Variants in RGS6 observed in about 807,000 individuals in gnomAD.
RGS6 encodes the protein regulator of G protein signaling 6, also known as regulator of G-protein signaling 6.
A neutral mutation model predicts 78.5 loss-of-function variants in RGS6; 30 were observed. That is an observed-to-expected ratio of 0.38 (90% CI 0.29 to 0.52). The LOEUF (loss-of-function observed/expected upper bound fraction) is 0.52, where lower values mean the gene tolerates loss of function less well. RGS6 is among the 20% of genes least tolerant of loss of function. The pLI is 0.85. For missense variants in RGS6, 495 were observed against 609.7 expected, an observed-to-expected ratio of 0.81 and a Z score of 1.98; for synonymous variants, 206 against 206.0, an observed-to-expected ratio of 1.00 and a Z score of 0.00.
At chr14:72,381,753 T>TGG (rs2086185113) in intron 3 of RGS6, among the ~76,000 whole-genome samples, 1 of 152,060 alleles carries the variant, frequency 6.6e-6, no homozygotes, top group Admixed American at 6.6e-5. Context: ...ATAAATACTG[T>TGG]GGTAAGTGGG....
chr14:72,177,936 C>T (rs2097127997), intron 2 of RGS6, among the ~76,000 whole-genome samples: 1 of 152,194 alleles, frequency 6.6e-6, no homozygotes, highest in East Asian at 1.9e-4. Context: ...TAGCCATGTG[C>T]CATTGGTCCT....
At chr14:72,207,397 T>C (rs2042971314) in intron 2 of RGS6, among the ~76,000 whole-genome samples, 1 of 152,244 alleles carries the variant, frequency 6.6e-6, no homozygotes, top group Non-Finnish European at 1.5e-5. Flanking sequence ...GGTAAATTCC[T>C]AGTGCAATAT....
At chr14:72,108,062 C>T (rs892898153) in intron 2 of RGS6, among the ~76,000 whole-genome samples, 1 of 152,136 alleles carries the variant, frequency 6.6e-6, no homozygotes, top group Non-Finnish European at 1.5e-5. Flanking sequence ...ACCATTTTCA[C>T]GTCAATGACA....
At chr14:72,367,958 A>G (rs1178885976) in intron 3 of RGS6, among the ~76,000 whole-genome samples, 1 of 152,192 alleles carries the variant, frequency 6.6e-6, no homozygotes, top group East Asian at 1.9e-4. Context: ...TCTGAAGTTA[A>G]TTCTTTTCAC....
intron 2 of RGS6, among the ~76,000 whole-genome samples, chr14:72,187,767 GTCAA>G (rs1361345804): frequency 1.3e-5 from 2 of 152,064 alleles, no homozygotes; most frequent in African/African-American, 2.4e-5. Flanking sequence ...TCATAAAACA[GTCAA>G]TCTTCATTAT....
intron 3 of RGS6, among the ~76,000 whole-genome samples, chr14:72,373,675 G>A (rs116050758): frequency 1.5e-3 from 224 of 152,222 alleles, no homozygotes; most frequent in African/African-American, 5.2e-3. Context: ...GGAAATAATC[G>A]TTTTGTCTTT....
the RGS6 span, among the ~76,000 whole-genome samples, chr14:72,601,529 A>G: frequency 2.6e-5 from 4 of 152,210 alleles, no homozygotes; most frequent in Admixed American, 1.3e-4. Context: ...ATTGCACAGG[A>G]GGGTGACTAT....
At chr14:72,085,165 G>T (rs764480018) in intron 2 of RGS6, among the ~76,000 whole-genome samples, 1 of 152,168 alleles carries the variant, frequency 6.6e-6, no homozygotes, top group Non-Finnish European at 1.5e-5. Flanking sequence ...CAACAGTAAG[G>T]CGTGAGGGTA....
chr14:72,081,268 T>A (rs1391451343), intron 2 of RGS6, among the ~76,000 whole-genome samples: 3 of 152,122 alleles, frequency 2.0e-5, no homozygotes, highest in South Asian at 4.1e-4. Flanking sequence ...TTATTTATTT[T>A]TTTGCTATTG....
chr14:72,613,830 C>T, the RGS6 span, among the ~76,000 whole-genome samples: 7 of 152,254 alleles, frequency 4.6e-5, no homozygotes, highest in Admixed American at 2.0e-4. Flanking sequence ...ATGGAGGGGG[C>T]GCCCGCCGCA....
intron 3 of RGS6, among the ~76,000 whole-genome samples, chr14:72,416,095 C>T (rs1226008209): frequency 6.6e-6 from 1 of 150,596 alleles, no homozygotes; most frequent in African/African-American, 2.4e-5. Flanking sequence ...TTGCAGTGAG[C>T]CAAGATCGCA....
At chr14:72,595,457 CCT>C in the RGS6 span, among the ~76,000 whole-genome samples, 1 of 93,038 alleles carries the variant, frequency 1.1e-5, no homozygotes, top group African/African-American at 4.5e-5. Context: ...ATTCCTGCAA[CCT>C]CTTAGTTTAA....
chr14:72,480,812 G>T (rs1050585626), intron 12 of RGS6, among the ~76,000 whole-genome samples: 1 of 152,136 alleles, frequency 6.6e-6, no homozygotes, highest in Non-Finnish European at 1.5e-5. Flanking sequence ...GCCTGCTCCA[G>T]GTGATAAGTG....
chr14:72,442,159 G>A (rs1371652916), intron 3 of RGS6, among the ~76,000 whole-genome samples: 1 of 152,044 alleles, frequency 6.6e-6, no homozygotes, highest in Non-Finnish European at 1.5e-5. Context: ...AGAGTCTGGT[G>A]TCTGGCATAG....
At chr14:71,870,793 G>A in the RGS6 span, among the ~76,000 whole-genome samples, 36,139 of 152,038 alleles carry the variant, frequency 0.24, 5,608 homozygotes, top group Non-Finnish European at 0.33. Flanking sequence ...TTCCCTCCCA[G>A]TGTGGGCCCA....
intron 1 of RGS6, among the ~76,000 whole-genome samples, chr14:71,935,865 C>T (rs1359449645): frequency 2.0e-5 from 3 of 151,298 alleles, no homozygotes; most frequent in Non-Finnish European, 4.4e-5. Context: ...GGGGGTCATC[C>T]TGGGAGTCTC....
intron 2 of RGS6, among the ~76,000 whole-genome samples, chr14:72,130,030 C>T (rs2096281526): frequency 6.6e-6 from 1 of 152,152 alleles, no homozygotes; most frequent in Non-Finnish European, 1.5e-5. Context: ...GGAATATGCC[C>T]AAGTTACCCA....
rs116541817 is a variant in RGS6, at chr14:72,097,893, C to T, written c.84+133018C>T. ...TAGCCTGATATCATCAGCCAAGCAA[C>T]GTGTAGGATGCAGAGGTTTGGCAAA... On this transcript the variant is annotated intron_variant, in intron 2 of 17. Transcript: ENST00000553525. 8.4e-3 allele frequency among the ~76,000 whole-genome samples: 1,281 copies of T among 152,196 alleles called. 17 individuals carry two copies. Among genetic ancestry groups the T allele is most frequent in the African/African-American group, 0.03 (1,226 of 41,508 alleles).
At chr14:71,894,446 A>G in the RGS6 span, among the ~76,000 whole-genome samples, 1 of 152,180 alleles carries the variant, frequency 6.6e-6, no homozygotes, top group Non-Finnish European at 1.5e-5. Flanking sequence ...CCATATATAC[A>G]AGGATTGCAC....
Sources: gnomAD v4.1 joint callset for allele counts (sites outside exome capture counted in the v4.1 genomes callset) on GRCh38, gnomAD v4.1.1 for gene constraint, MANE v1.5 for transcripts, NCBI Gene and HGNC (gene_info 2026-07-23, HGNC 2026-07-21) for gene names.